CUX2: variants seen among roughly 807,000 people sequenced by gnomAD.
CUX2 encodes the protein cut like homeobox 2.
A neutral mutation model predicts 144.8 loss-of-function variants in CUX2; 40 were observed. That is an observed-to-expected ratio of 0.28 (90% confidence interval 0.21 to 0.36). The LOEUF (loss-of-function observed/expected upper bound fraction) is 0.36, where lower values mean the gene tolerates loss of function less well. CUX2 is among the 10% of genes least tolerant of loss of function. CUX2 has a pLI of 1.00. For missense variants in CUX2, 1,615 were observed against 1,994.0 expected (o/e 0.81, Z 3.62); for synonymous variants, 827 against 875.6 (o/e 0.94, Z 0.98).
In CUX2 at chr12:111,135,002, G is replaced by A. The variant is rs545034375; in HGVS notation, c.64-79198G>A. On this transcript the variant is annotated intron_variant, in intron 1 of 21. Coordinates refer to ENST00000261726, the MANE Select transcript of CUX2 (RefSeq NM_015267.4). ...CAGAAGCCATTCAGGGCTTTGAGCA[G>A]AGCAGTGGCTGGGGTTCAGTTGTGT... Among the ~76,000 whole-genome samples, 39 of 152,298 alleles carry A rather than the reference G, an allele frequency of 2.6e-4. No individual in the cohort carries two copies. In the South Asian group the frequency reaches 3.1e-3, roughly 12 times the overall value.
At chr12:111,222,047 A>C (rs539711680) in intron 3 of CUX2, among the ~76,000 whole-genome samples, 1 of 152,246 alleles carries the variant, frequency 6.6e-6, no homozygotes, top group Non-Finnish European at 1.5e-5. Context: ...AAGTTGCTTT[A>C]TGAAAGATAA....
Position 111,287,390 on chromosome 12 carries a change from C to A in CUX2, c.302-4028C>A, listed in dbSNP as rs1188578296. 6.6e-6 allele frequency among the ~76,000 whole-genome samples: 1 copy of A among 152,256 alleles called. No homozygotes were observed. The highest frequency in any genetic ancestry group is 1.5e-5 in the Non-Finnish European group (1 of 68,050). ...TCTTGTGTTTGTCTAACTTCCCTGA[C>A]CCCGGCGAGTGCTCGTTGCCTTTTT... On this transcript the variant is annotated intron_variant, in intron 4 of 21. Coordinates refer to ENST00000261726, the MANE Select transcript of CUX2 (RefSeq NM_015267.4). The surrounding 1 kb of genome is among the most constrained non-coding windows in gnomAD (Gnocchi z 4.2).
intron 1 of CUX2, among the ~76,000 whole-genome samples, chr12:111,083,348 G>A (rs1872011886): frequency 1.3e-5 from 2 of 152,152 alleles, no homozygotes; most frequent in Admixed American, 6.5e-5. Context: ...AGCAGGCCAA[G>A]GAGACCACGA....
intron 15 of CUX2, 110 bp from the exon 16 acceptor site, chr12:111,311,990 G>A (rs1381492428): frequency 1.9e-5 from 15 of 805,644 alleles, no homozygotes; most frequent in Non-Finnish European, 3.0e-5. Flanking sequence ...CTCACTGATG[G>A]TCTGACCCTC....
At chr12:111,297,149 C>T (rs1182575203) in intron 8 of CUX2, among the ~76,000 whole-genome samples, 2 of 151,572 alleles carry the variant, frequency 1.3e-5, no homozygotes, top group Non-Finnish European at 2.9e-5. Context: ...CCCAGACAGG[C>T]CTTCTCCCTC....
intron 1 of CUX2, among the ~76,000 whole-genome samples, chr12:111,156,294 T>C (rs1877366678): frequency 6.6e-6 from 1 of 152,140 alleles, no homozygotes; most frequent in Admixed American, 6.5e-5. Context: ...CTCTAAGATG[T>C]TCCCCTTTTC....
intron 1 of CUX2, among the ~76,000 whole-genome samples, chr12:111,184,573 C>CAAAAAAAAAA (rs71445536): frequency 2.1e-5 from 1 of 46,906 alleles, no homozygotes; most frequent in African/African-American, 6.2e-5. Context: ...TTCTCTCTAC[C>CAAAAAAAAAA]AAAAAAAAAA....
At position 111,250,375 on chromosome 12, in the gene CUX2, T is replaced by C. The variant is rs150029911; in HGVS notation, c.223-13386T>C. On this transcript the variant is annotated intron_variant, in intron 3 of 21. Coordinates refer to ENST00000261726, the MANE Select transcript of CUX2 (RefSeq NM_015267.4). ...ACCCTGCCTTGGCCCCTCGTGTGTGTATATTGGAGCCGCCTTCTCAGCCTC... is the reference window on the plus strand; with the variant it reads ...ACCCTGCCTTGGCCCCTCGTGTGTGCATATTGGAGCCGCCTTCTCAGCCTC... 2.0e-3 allele frequency among the ~76,000 whole-genome samples: 300 copies of C among 151,932 alleles called. 2 individuals carry two copies. The highest frequency in any genetic ancestry group is 3.5e-3 in the Non-Finnish European group (241 of 67,930).
intron 3 of CUX2, among the ~76,000 whole-genome samples, chr12:111,223,700 A>G (rs1881975617): frequency 6.6e-6 from 1 of 152,194 alleles, no homozygotes; most frequent in Non-Finnish European, 1.5e-5. Context: ...GACTGGAGTC[A>G]GGGGCCATGG....
At chr12:111,108,722 GCCCCACTCTCCTCT>G (rs984628079) in intron 1 of CUX2, among the ~76,000 whole-genome samples, 1 of 101,864 alleles carries the variant, frequency 9.8e-6, no homozygotes, top group East Asian at 2.2e-4. Flanking sequence ...CACTCTCCTC[GCCCCACTCTCCTCT>G]CCTTCACTTT....
chr12:111,168,571 C>T lies in CUX2; in HGVS notation c.64-45629C>T, dbSNP rs537888551. On this transcript the variant is annotated intron_variant, in intron 1 of 21. Transcript: ENST00000261726. ...GCTGGGGACTGATTGTTTCCACGTT[C>T]CCTAGCTCTGCCTGACAACAGAGCG... Among the ~76,000 whole-genome samples the T allele has an allele frequency of 4.4e-4, 67 of 152,314 alleles. No homozygotes were observed. In the Middle Eastern group the frequency reaches 0.01, roughly 23 times the overall value.
At position 111,128,058 on chromosome 12, in the gene CUX2, C is replaced by G. The variant is rs144011926; in HGVS notation, c.64-86142C>G. ...GTGGGTAATAGTGAGTGGTGCCACT[C>G]CCACTTCCACCCCTTGATTCTTGGA... On this transcript the variant is annotated intron_variant, in intron 1 of 21. Coordinates refer to ENST00000261726, the MANE Select transcript of CUX2 (RefSeq NM_015267.4). Among the ~76,000 whole-genome samples the G allele has an allele frequency of 3.1e-3, 474 of 152,306 alleles. 2 individuals carry two copies. Among genetic ancestry groups the G allele is most frequent in the Middle Eastern group, 0.02 (6 of 294 alleles).
chr12:111,137,296 G>A (rs1232530509), intron 1 of CUX2, among the ~76,000 whole-genome samples: 1 of 152,154 alleles, frequency 6.6e-6, no homozygotes, highest in Non-Finnish European at 1.5e-5. Context: ...AGGGACAGAG[G>A]CAAGAGAAGT....
At position 111,246,705 on chromosome 12, in the gene CUX2, T is replaced by A. The variant is rs969743796; in HGVS notation, c.223-17056T>A. Among the ~76,000 whole-genome samples the A allele has an allele frequency of 3.9e-5, 6 of 152,246 alleles. No individual in the cohort carries two copies. The highest frequency in any genetic ancestry group is 3.9e-4 in the Admixed American group (6 of 15,290). ...TTAGAGGAATGGACTGTGGGTGTTG[T>A]CTGGCAAGGCGAGGTCCTTTCTCAC... is the stretch of plus-strand genomic sequence containing the variant. On this transcript the variant is annotated intron_variant, in intron 3 of 21. Coordinates refer to ENST00000261726, the MANE Select transcript of CUX2 (RefSeq NM_015267.4). This position sits in a 1 kb window ranked among gnomAD's most constrained non-coding sequence, Gnocchi z 4.0.
intron 1 of CUX2, among the ~76,000 whole-genome samples, chr12:111,126,135 G>A (rs1875062246): frequency 2.0e-5 from 3 of 149,068 alleles, no homozygotes; most frequent in African/African-American, 7.4e-5. Context: ...TTAAGATGGA[G>A]TCTCACTCTG....
chr12:111,300,946 G>C (rs984619165), intron 9 of CUX2, among the ~76,000 whole-genome samples: 1 of 151,382 alleles, frequency 6.6e-6, no homozygotes, highest in Non-Finnish European at 1.5e-5. Flanking sequence ...GCTGAGGTGG[G>C]ACGATCACCT....
chr12:111,341,354 G>A (rs1888565746), intron 20 of CUX2, among the ~76,000 whole-genome samples: 1 of 151,760 alleles, frequency 6.6e-6, no homozygotes, highest in Non-Finnish European at 1.5e-5. Context: ...CCAGCTACTT[G>A]GGAGGCTGAG....
intron 21 of CUX2, among the ~76,000 whole-genome samples, chr12:111,342,318 A>G (rs1186899030): frequency 2.6e-5 from 4 of 152,108 alleles, no homozygotes; most frequent in South Asian, 2.1e-4. Context: ...TCTCTACAAA[A>G]AAAACTACAA....
chr12:111,064,887 G>A (rs1230554199), intron 1 of CUX2, among the ~76,000 whole-genome samples: 1 of 152,194 alleles, frequency 6.6e-6, no homozygotes, highest in Non-Finnish European at 1.5e-5. Flanking sequence ...CCAATGCCCG[G>A]CATACAGTAC....
Sources: gnomAD v4.1 joint callset for allele counts (sites outside exome capture counted in the v4.1 genomes callset) on GRCh38, gnomAD v4.1.1 for gene constraint, Gnocchi (gnomAD v3.1) non-coding constraint, MANE v1.5 for transcripts, NCBI Gene and HGNC (gene_info 2026-07-23, HGNC 2026-07-21) for gene names.